The following PTPRK variants were observed in gnomAD, a reference collection of about 807,000 sequenced individuals.
The protein encoded by PTPRK is protein tyrosine phosphatase receptor type K.
PTPRK carries 75 observed loss-of-function variants against 178.0 expected under a neutral mutation model. That is an observed-to-expected ratio of 0.42 (90% CI 0.35 to 0.51). The LOEUF is 0.51. Among genes scored for constraint, PTPRK ranks in the 20% least tolerant of loss-of-function variants. The probability of loss-of-function intolerance (pLI) is 0.02; values close to 1 mark genes in which losing one functional copy is unlikely to be tolerated. For synonymous variants in PTPRK, 637 were observed against 620.6 expected (o/e 1.03, Z -0.39); for missense variants, 1,441 against 1,797.8 (o/e 0.80, Z 3.59).
intron 2 of PTPRK, among the ~76,000 whole-genome samples, chr6:128,361,994 C>A (rs917144648): frequency 1.3e-5 from 2 of 152,060 alleles, no homozygotes; most frequent in Non-Finnish European, 1.5e-5. Context: ...ATTTATCTTT[C>A]GTATCTTAGA....
intron 13 of PTPRK, among the ~76,000 whole-genome samples, chr6:128,019,911 G>A (rs985084123): frequency 6.6e-6 from 1 of 152,106 alleles, no homozygotes; most frequent in Non-Finnish European, 1.5e-5. Context: ...GTTTTTTTAA[G>A]TTGAGGAACT....
chr6:128,261,928 C>T (rs1416392679), intron 3 of PTPRK, among the ~76,000 whole-genome samples: 2 of 152,046 alleles, frequency 1.3e-5, no homozygotes, highest in Non-Finnish European at 2.9e-5. Flanking sequence ...TCAAGTTGGG[C>T]CCTTACATGG....
chr6:128,490,728 C>T (rs1853651628), intron 1 of PTPRK, among the ~76,000 whole-genome samples: 1 of 152,166 alleles, frequency 6.6e-6, no homozygotes, highest in South Asian at 2.1e-4. Context: ...TAGCAAAATA[C>T]CACAGACTTG....
At chr6:128,043,363 A>C (rs1777507196) in intron 13 of PTPRK, among the ~76,000 whole-genome samples, 1 of 152,120 alleles carries the variant, frequency 6.6e-6, no homozygotes, top group African/African-American at 2.4e-5. Flanking sequence ...ACTGCCTCAG[A>C]AAATCAAATC....
intron 1 of PTPRK, among the ~76,000 whole-genome samples, chr6:128,471,846 T>C (rs1850710664): frequency 6.6e-6 from 1 of 152,060 alleles, no homozygotes; most frequent in South Asian, 2.1e-4. Flanking sequence ...ATGCTGATTA[T>C]GGTTTCTCTT....
chr6:128,322,473 T>A (rs1227084923), intron 2 of PTPRK, among the ~76,000 whole-genome samples, 163 bp from the exon 3 acceptor site: 1 of 152,094 alleles, frequency 6.6e-6, no homozygotes, highest in Non-Finnish European at 1.5e-5. Context: ...GTAGATGAAC[T>A]GAATTCTTAC....
intron 7 of PTPRK, among the ~76,000 whole-genome samples, chr6:128,142,432 A>T (rs1281886586): frequency 1.3e-5 from 2 of 151,978 alleles, no homozygotes; most frequent in Non-Finnish European, 2.9e-5. Flanking sequence ...CATAGCTTTC[A>T]GCTAGACAAG....
chr6:128,095,269 C>T (rs944019333), intron 7 of PTPRK, among the ~76,000 whole-genome samples: 2 of 152,124 alleles, frequency 1.3e-5, no homozygotes, highest in African/African-American at 4.8e-5. Context: ...AATTATAACA[C>T]ACTTTGTATC....
chr6:128,287,496 C>A (rs920871449), intron 3 of PTPRK, among the ~76,000 whole-genome samples: 3 of 152,178 alleles, frequency 2.0e-5, no homozygotes, highest in Non-Finnish European at 4.4e-5. Context: ...TGCTCTTTCA[C>A]CTCAGAGGGA....
At chr6:128,512,842 A>G (rs1857383474) in intron 1 of PTPRK, among the ~76,000 whole-genome samples, 1 of 152,214 alleles carries the variant, frequency 6.6e-6, no homozygotes, top group African/African-American at 2.4e-5. Context: ...TGACTGTCCT[A>G]TAAATGAGCT....
chr6:128,058,111 A>T (rs1471335954), intron 13 of PTPRK, among the ~76,000 whole-genome samples: 2 of 152,186 alleles, frequency 1.3e-5, no homozygotes, highest in Admixed American at 1.3e-4. Context: ...GCTTTTATAA[A>T]CAGTGCTGCT....
intron 1 of PTPRK, among the ~76,000 whole-genome samples, chr6:128,484,157 A>T (rs1281019084): frequency 1.3e-5 from 2 of 151,708 alleles, no homozygotes; most frequent in Non-Finnish European, 2.9e-5. Flanking sequence ...AAAATCCCCC[A>T]TTTTTTTCTC....
intron 4 of PTPRK, 128 bp downstream of exon 4, chr6:128,242,393 T>C (rs1172885466): frequency 1.4e-5 from 17 of 1,244,644 alleles, no homozygotes; most frequent in East Asian, 2.8e-5. Flanking sequence ...TAAAACTCAA[T>C]AGAAGGCTAG....
intron 10 of PTPRK, 149 bp downstream of exon 10, chr6:128,082,288 T>G: frequency 1.5e-6 from 1 of 682,810 alleles, no homozygotes; most frequent in South Asian, 2.1e-5. Flanking sequence ...ATTCAAATAA[T>G]TATTTAAAGT....
intron 1 of PTPRK, among the ~76,000 whole-genome samples, chr6:128,483,266 T>A (rs940559218): frequency 3.3e-5 from 5 of 152,284 alleles, no homozygotes; most frequent in Admixed American, 3.3e-4. Context: ...AAAAGCAGCA[T>A]GTCTTTCATT....
chr6:128,299,934 C>T (rs1175410539), intron 3 of PTPRK, among the ~76,000 whole-genome samples: 3 of 151,970 alleles, frequency 2.0e-5, no homozygotes, highest in African/African-American at 7.3e-5. Context: ...AGTGAACAGG[C>T]AACCTACAAA....
chr6:128,435,594 T>C (rs371724314), intron 1 of PTPRK, among the ~76,000 whole-genome samples: 1 of 152,132 alleles, frequency 6.6e-6, no homozygotes, highest in East Asian at 1.9e-4. Flanking sequence ...GAGAAGGAAA[T>C]GATAGTTTTC....
chr6:128,266,078 A>G (rs1467110262), intron 3 of PTPRK, among the ~76,000 whole-genome samples: 1 of 152,114 alleles, frequency 6.6e-6, no homozygotes, highest in African/African-American at 2.4e-5. Context: ...GTGAGAAATC[A>G]ATTTCTGTTG....
intron 1 of PTPRK, among the ~76,000 whole-genome samples, chr6:128,435,087 A>G (rs1845376948): frequency 8.9e-6 from 1 of 111,916 alleles, no homozygotes. Flanking sequence ...GAAGGAAGGA[A>G]GGAAGGAAGG....
Sources: gnomAD v4.1 joint callset for allele counts (sites outside exome capture counted in the v4.1 genomes callset) on GRCh38, gnomAD v4.1.1 for gene constraint, MANE v1.5 for transcripts, NCBI Gene and HGNC (gene_info 2026-07-23, HGNC 2026-07-21) for gene names.